LDLRAD4: variants seen among roughly 807,000 people sequenced by gnomAD.
The protein encoded by LDLRAD4 is low density lipoprotein receptor class A domain containing 4.
A neutral mutation model predicts 17.0 loss-of-function variants in LDLRAD4; 5 were observed. The observed-to-expected ratio is 0.29, with a 90% CI of 0.15 to 0.62. The LOEUF (loss-of-function observed/expected upper bound fraction) is 0.62. Ranked by LOEUF, LDLRAD4 falls within the 20% of genes least tolerant of loss-of-function variation. The pLI, the probability that LDLRAD4 is intolerant of heterozygous loss-of-function variation, is 0.84. For synonymous variants in LDLRAD4, 168 were observed against 171.8 expected (o/e 0.98, Z 0.17); for missense variants, 340 against 424.7 (o/e 0.80, Z 1.75).
chr18:13,224,419 C>T (rs118018579), intron 1 of LDLRAD4, among the ~76,000 whole-genome samples: 3,486 of 150,410 alleles, frequency 0.023, 59 homozygotes, highest in Middle Eastern at 0.042. Context: ...TCTCTTCACT[C>T]GGAGGGATCC....
chr18:13,328,968 G>C (rs1350093684), intron 1 of LDLRAD4, among the ~76,000 whole-genome samples: 1 of 152,108 alleles, frequency 6.6e-6, no homozygotes, highest in Non-Finnish European at 1.5e-5. Context: ...TTCACTTAAA[G>C]TTTACCTTGG....
At chr18:13,505,953 G>A (rs1471052237) in intron 3 of LDLRAD4, among the ~76,000 whole-genome samples, 1 of 152,196 alleles carries the variant, frequency 6.6e-6, no homozygotes, top group African/African-American at 2.4e-5. Flanking sequence ...AGTGTGGGGT[G>A]AGCAGAGCAG....
In LDLRAD4 at chr18:13,637,871, C is replaced by CAA. The variant is rs555640548; in HGVS notation, c.337-5472_337-5471dup. Among the ~76,000 whole-genome samples the CAA allele has an allele frequency of 9.2e-3, 661 of 71,700 alleles. 8 individuals are homozygous for CAA. Among genetic ancestry groups the CAA allele is most frequent in the African/African-American group, 0.032 (610 of 19,186 alleles). The allele number at this position is 71,700 out of a possible 152,430, so 47.0% of individuals were successfully genotyped here. The stretch of plus-strand genomic sequence containing the variant: ...ACAGAGCAAGACTCCGTCTCAACAA[C>CAA]AAAAAAAAAAAAAAAAAGAGAGAGA... On this transcript the variant is annotated intron_variant, in intron 4 of 5. Transcript: ENST00000359446.
intron 3 of LDLRAD4, among the ~76,000 whole-genome samples, chr18:13,497,351 G>GTT (rs36009823): frequency 3.2e-4 from 48 of 151,442 alleles, no homozygotes; most frequent in East Asian, 9.8e-4. Context: ...TAATTTGTTT[G>GTT]TTTTTTTTGT....
At chr18:13,619,750 A>C (rs2040440105) in intron 3 of LDLRAD4, among the ~76,000 whole-genome samples, 2 of 152,004 alleles carry the variant, frequency 1.3e-5, no homozygotes, top group South Asian at 4.1e-4. Context: ...ATGGCCTCTG[A>C]GCCTCTGAGC....
At chr18:13,313,798 T>C (rs1363536138) in intron 1 of LDLRAD4, among the ~76,000 whole-genome samples, 1 of 149,264 alleles carries the variant, frequency 6.7e-6, no homozygotes, top group Non-Finnish European at 1.5e-5. Context: ...CTGTGCCTTG[T>C]GAAAATCCAG....
chr18:13,619,189 G>A (rs1243860166), intron 3 of LDLRAD4, among the ~76,000 whole-genome samples: 5 of 152,126 alleles, frequency 3.3e-5, no homozygotes, highest in African/African-American at 1.2e-4. Context: ...TAGGGGCTCC[G>A]GACTCAGCCT....
At chr18:13,338,145 G>T (rs1048016010) in intron 1 of LDLRAD4, among the ~76,000 whole-genome samples, 1 of 152,104 alleles carries the variant, frequency 6.6e-6, no homozygotes, top group Admixed American at 6.5e-5. Flanking sequence ...AGGTAGACAC[G>T]CTCTCTATTC....
At chr18:13,394,021 T>TAGG (rs58431154) in intron 2 of LDLRAD4, among the ~76,000 whole-genome samples, 24,103 of 152,188 alleles carry the variant, frequency 0.16, 2,046 homozygotes, top group East Asian at 0.27. Context: ...TGCAATTTAG[T>TAGG]AGGTGTAGAA....
At chr18:13,586,406 C>CAAAAAAAAAAAAAAAACA (rs58036819) in intron 3 of LDLRAD4, among the ~76,000 whole-genome samples, 1 of 35,118 alleles carries the variant, frequency 2.8e-5, no homozygotes, top group African/African-American at 1.3e-4. Flanking sequence ...GACTCTGTCT[C>CAAAAAAAAAAAAAAAACA]AAAAAAAAAA....
At chr18:13,491,251 G>A (rs1353030380) in intron 3 of LDLRAD4, 2 of 152,230 alleles carry the variant, frequency 1.3e-5, no homozygotes, top group African/African-American at 2.4e-5. Context: ...GACGATGAAA[G>A]CATCCCAAGA....
chr18:13,543,981 C>A (rs112409713), intron 3 of LDLRAD4, among the ~76,000 whole-genome samples: 1 of 152,266 alleles, frequency 6.6e-6, no homozygotes, highest in Non-Finnish European at 1.5e-5. Context: ...CTGCCCCGAA[C>A]GTGCAGGCCC....
chr18:13,434,244 C>G (rs1304512924), intron 2 of LDLRAD4, among the ~76,000 whole-genome samples: 1 of 73,030 alleles, frequency 1.4e-5, no homozygotes, highest in Non-Finnish European at 3.4e-5. Flanking sequence ...GTTGTTTCTC[C>G]TAAGTTTTTT....
chr18:13,383,172 T>G (rs931941388), intron 1 of LDLRAD4, among the ~76,000 whole-genome samples: 1 of 152,210 alleles, frequency 6.6e-6, no homozygotes, highest in Non-Finnish European at 1.5e-5. Context: ...TGCTGAGCCT[T>G]CTCTGCGCTG....
chr18:13,594,791 G>C (rs1479109052), intron 3 of LDLRAD4, among the ~76,000 whole-genome samples: 2 of 151,952 alleles, frequency 1.3e-5, no homozygotes, highest in Non-Finnish European at 2.9e-5. Flanking sequence ...AAGTTGTCTG[G>C]AGGGATTGGT....
intron 1 of LDLRAD4, among the ~76,000 whole-genome samples, chr18:13,260,215 C>T (rs1485490118): frequency 1.3e-5 from 2 of 152,238 alleles, no homozygotes; most frequent in Non-Finnish European, 2.9e-5. Context: ...CCAGGGGCAG[C>T]TGAGTGCCCA....
intron 1 of LDLRAD4, among the ~76,000 whole-genome samples, chr18:13,309,359 C>T (rs547074889): frequency 1.1e-4 from 16 of 152,268 alleles, no homozygotes; most frequent in Middle Eastern, 3.4e-3. Flanking sequence ...ATGACTTCGC[C>T]GGTGAAAAGC....
chr18:13,414,248 A>G (rs937619309), intron 2 of LDLRAD4, among the ~76,000 whole-genome samples: 2 of 152,218 alleles, frequency 1.3e-5, no homozygotes, highest in East Asian at 1.9e-4. Context: ...AGATGCCTCC[A>G]TCCCCACCAT....
At chr18:13,445,429 G>T (rs1477175511) in intron 3 of LDLRAD4, among the ~76,000 whole-genome samples, 1 of 151,998 alleles carries the variant, frequency 6.6e-6, no homozygotes, top group Non-Finnish European at 1.5e-5. Context: ...ATGCGTGGGT[G>T]TGCCATGGGT....
Sources: allele counts gnomAD v4.1 joint callset (sites outside exome capture counted in the v4.1 genomes callset), GRCh38; gene constraint gnomAD v4.1.1; transcripts MANE v1.5; gene names NCBI Gene and HGNC (gene_info 2026-07-23, HGNC 2026-07-21).